TMEM219: variants seen among roughly 807,000 people sequenced by gnomAD.
TMEM219 encodes the protein insulin-like growth factor-binding protein 3 receptor.
In TMEM219, 18 loss-of-function variants were observed where a neutral mutation model predicts 17.9. The ratio of observed to expected loss-of-function variants is 1.01; its 90% CI spans 0.70 to 1.49. TMEM219 has a LOEUF of 1.49. Ranked by LOEUF, TMEM219 falls within the 40% of genes most tolerant of loss-of-function variation. The pLI is 0.00. For missense variants in TMEM219, 288 were observed against 292.4 expected (o/e 0.99, Z 0.11); for synonymous variants, 113 against 124.0 (o/e 0.91, Z 0.59).
At chr16:29,969,116 C>T (rs941611556) in intron 4 of TMEM219, among the ~76,000 whole-genome samples, 10 of 151,568 alleles carry the variant, frequency 6.6e-5, no homozygotes, top group Non-Finnish European at 1.0e-4. Flanking sequence ...TTTGGAAGGC[C>T]GAAGCAAGGA....
chr16:29,963,676 A>C (rs565987384), intron 3 of TMEM219, 87 bp downstream of exon 3: 2 of 1,251,112 alleles, frequency 1.6e-6, no homozygotes, highest in African/African-American at 3.0e-5. Context: ...TGAGGTCAGG[A>C]GTTCAAGACC....
intron 4 of TMEM219, among the ~76,000 whole-genome samples, chr16:29,969,587 G>A (rs2069256932): frequency 6.6e-6 from 1 of 151,982 alleles, no homozygotes; most frequent in Non-Finnish European, 1.5e-5. Flanking sequence ...GCTGAGGTGG[G>A]AGGATCCTTT....
intron 3 of TMEM219, 86 bp downstream of exon 3, chr16:29,963,675 G>A: frequency 7.7e-7 from 1 of 1,291,906 alleles, no homozygotes; most frequent in Non-Finnish European, 1.1e-6. Flanking sequence ...TTGAGGTCAG[G>A]AGTTCAAGAC....
At chr16:29,965,689 C>G (rs1053464083) in intron 3 of TMEM219, among the ~76,000 whole-genome samples, 11 of 152,168 alleles carry the variant, frequency 7.2e-5, no homozygotes, top group South Asian at 6.2e-4. Flanking sequence ...ATTCTCCTGC[C>G]TCAGCCTCCT....
intron 3 of TMEM219, among the ~76,000 whole-genome samples, chr16:29,966,733 T>C (rs1212479483): frequency 3.9e-5 from 6 of 152,108 alleles, no homozygotes; most frequent in African/African-American, 1.4e-4. Context: ...GGAGAATTGC[T>C]TAAACCTAGG....
At position 29,971,494 on chromosome 16, in the gene TMEM219, T is replaced by C; in HGVS notation, c.672T>C (p.Ala224=). The C allele has an allele frequency of 2.5e-6, 4 of 1,614,126 alleles. No homozygotes were observed. Among genetic ancestry groups the C allele is most frequent in the Non-Finnish European group, 3.4e-6 (4 of 1,180,008 alleles). Residue 224 remains alanine, a synonymous_variant, in exon 5 of 6, where the codon GCT becomes GCC. Transcript: ENST00000279396. ...GTGGCCTTCTCTGCTGTGTCACTGC[T>C]ATGTGCTTCCACCCGCGCCGGGAGT... ...LFCGLLCCVT[A]MCFHPRRESH...
chr16:29,967,723 C>A (rs559496110), intron 3 of TMEM219, among the ~76,000 whole-genome samples: 2 of 152,072 alleles, frequency 1.3e-5, no homozygotes, highest in African/African-American at 2.4e-5. Flanking sequence ...GTCAGGAGAT[C>A]AAGACCATCC....
intron 3 of TMEM219, among the ~76,000 whole-genome samples, chr16:29,965,683 T>A (rs1227305613): frequency 6.6e-6 from 1 of 151,544 alleles, no homozygotes; most frequent in African/African-American, 2.4e-5. Flanking sequence ...GTAAACATTC[T>A]CCTGCCTCAG....
At chr16:29,965,564 CAAA>C (rs35045736) in intron 3 of TMEM219, among the ~76,000 whole-genome samples, 55 of 82,838 alleles carry the variant, frequency 6.6e-4, no homozygotes, top group African/African-American at 2.2e-3. Context: ...ACTAAAAATA[CAAA>C]AAAAAAAAAA....
At chr16:29,966,644 G>A (rs533039728) in intron 3 of TMEM219, among the ~76,000 whole-genome samples, 4 of 151,952 alleles carry the variant, frequency 2.6e-5, no homozygotes, top group African/African-American at 7.2e-5. Context: ...ATGAAACCCC[G>A]TCTCTACTAA....
At position 29,968,275 on chromosome 16, in the gene TMEM219, G is replaced by T. The variant is rs759289609; in HGVS notation, c.585+21G>T. On this transcript the variant is annotated intron_variant, in intron 4 of 5. Transcript: ENST00000279396. ...CCTCGGTAAGAGCCTCAGATGGGTC[G>T]CCAGGGTTTTGTAGACTGCCTGCTG... is the stretch of plus-strand genomic sequence containing the variant. 1.9e-6 allele frequency: 3 copies of T among 1,594,930 alleles called. No individual in the cohort carries two copies. In the South Asian group the frequency reaches 3.3e-5, roughly 18 times the overall value.
intron 3 of TMEM219, among the ~76,000 whole-genome samples, chr16:29,965,473 C>G (rs1346257339): frequency 6.7e-6 from 1 of 149,858 alleles, no homozygotes; most frequent in East Asian, 2.0e-4. Context: ...AATCCCAGCA[C>G]TTTGGGAGGC....
Position 29,968,180 on chromosome 16 carries a change from A to C in TMEM219, c.511A>C (p.Ser171Arg). The C allele has an allele frequency of 1.2e-6, 2 of 1,614,170 alleles. No individual in the cohort carries two copies. Among genetic ancestry groups the C allele is most frequent in the Non-Finnish European group, 1.7e-6 (2 of 1,180,032 alleles). ...SEEGAGNATL[S>R]PRMGEECVSV... Reference sequence around the variant, plus strand: ...GGAGGGGGCTGGAAATGCCACCCTGAGCCCTAGAATGGGTGAGGAATGTGT... The same window carrying C: ...GGAGGGGGCTGGAAATGCCACCCTGCGCCCTAGAATGGGTGAGGAATGTGT... The change falls in exon 4 of 6, where the codon AGC (serine) becomes CGC (arginine). Residue 171 changes from serine (S) to arginine (R), a missense_variant. Transcript: ENST00000279396.
At chr16:29,965,142 T>C (rs2069196526) in intron 3 of TMEM219, among the ~76,000 whole-genome samples, 1 of 152,200 alleles carries the variant, frequency 6.6e-6, no homozygotes, top group Non-Finnish European at 1.5e-5. Context: ...CATTTGGCCT[T>C]ATCTAAAATA....
chr16:29,966,419 A>G (rs1322004492), intron 3 of TMEM219, among the ~76,000 whole-genome samples: 1 of 152,142 alleles, frequency 6.6e-6, no homozygotes, highest in Non-Finnish European at 1.5e-5. Context: ...TTCATTGCAT[A>G]GAAGTCTTTA....
chr16:29,970,106 C>T (rs1394558992), intron 4 of TMEM219, among the ~76,000 whole-genome samples: 4 of 151,370 alleles, frequency 2.6e-5, no homozygotes, highest in South Asian at 2.1e-4. Flanking sequence ...TTGTGGCGGG[C>T]GTCTGTGATC....
At chr16:29,965,017 G>C (rs899654375) in intron 3 of TMEM219, among the ~76,000 whole-genome samples, 2 of 152,104 alleles carry the variant, frequency 1.3e-5, no homozygotes, top group Non-Finnish European at 1.5e-5. Flanking sequence ...TGCCACAAAA[G>C]ATGCAGAAAA....
intron 3 of TMEM219, 63 bp downstream of exon 3, chr16:29,963,652 G>A (rs2069176760): frequency 1.3e-6 from 2 of 1,483,384 alleles, no homozygotes; most frequent in South Asian, 2.5e-5. Context: ...GGAGGCTAAG[G>A]TAGGTGGATC....
At chr16:29,969,039 C>A (rs1397919879) in intron 4 of TMEM219, among the ~76,000 whole-genome samples, 1 of 152,054 alleles carries the variant, frequency 6.6e-6, no homozygotes, top group Non-Finnish European at 1.5e-5. Context: ...GGCAAAGGCA[C>A]CAGCATGCGC....
Sources: gnomAD v4.1 joint callset for allele counts (sites outside exome capture counted in the v4.1 genomes callset) on GRCh38, gnomAD v4.1.1 for gene constraint, MANE v1.5 for transcripts, NCBI Gene and HGNC (gene_info 2026-07-23, HGNC 2026-07-21) for gene names.